COG5: variants seen among roughly 807,000 people sequenced by gnomAD.
The protein encoded by COG5 is conserved oligomeric Golgi complex subunit 5.
A neutral mutation model predicts 110.4 loss-of-function variants in COG5; 86 were observed. The ratio of observed to expected loss-of-function variants is 0.78; its 90% CI spans 0.65 to 0.93. The LOEUF is 0.93. Among genes scored for constraint, COG5 ranks in the 40% least tolerant of loss-of-function variants. COG5 has a pLI of 0.00. For missense variants in COG5, 1,077 were observed against 987.0 expected, an observed-to-expected ratio of 1.09 and a Z score of -1.22; for synonymous variants, 360 against 334.6, an observed-to-expected ratio of 1.08 and a Z score of -0.83.
intron 12 of COG5, among the ~76,000 whole-genome samples, chr7:107,296,412 A>G (rs1385155042): frequency 6.6e-6 from 1 of 151,990 alleles, no homozygotes; most frequent in Non-Finnish European, 1.5e-5. Flanking sequence ...AAAATATGAT[A>G]TATCATTAAA....
intron 13 of COG5, 117 bp downstream of exon 13, chr7:107,283,450 TTTAA>T: frequency 4.9e-6 from 4 of 824,240 alleles, no homozygotes; most frequent in South Asian, 3.5e-5. Context: ...AAATTCTTAA[TTTAA>T]TTGTGGGCCT....
intron 6 of COG5, 126 bp downstream of exon 6, chr7:107,527,111 A>G (rs995593205): frequency 2.7e-6 from 2 of 745,794 alleles, no homozygotes; most frequent in Non-Finnish European, 4.3e-6. Context: ...TATTGTATAC[A>G]GCCAATTATT....
intron 7 of COG5, among the ~76,000 whole-genome samples, chr7:107,404,114 C>T (rs551127712): frequency 8.5e-5 from 13 of 152,128 alleles, no homozygotes; most frequent in African/African-American, 3.1e-4. Context: ...TTAAATACTA[C>T]TAATTTCACA....
At chr7:107,540,547 C>T (rs1021952988) in intron 5 of COG5, among the ~76,000 whole-genome samples, 1 of 150,488 alleles carries the variant, frequency 6.6e-6, no homozygotes, top group Non-Finnish European at 1.5e-5. Context: ...CACTATACTC[C>T]AGCCCAAGTG....
At chr7:107,480,807 G>A (rs1797296439) in intron 6 of COG5, 1 of 152,012 alleles carries the variant, frequency 6.6e-6, no homozygotes, top group South Asian at 2.1e-4. Flanking sequence ...GAAACAAATG[G>A]AAAAGTGGGC....
At chr7:107,422,448 A>AC (rs1324206439) in intron 6 of COG5, among the ~76,000 whole-genome samples, 1 of 151,600 alleles carries the variant, frequency 6.6e-6, no homozygotes, top group Non-Finnish European at 1.5e-5. Context: ...AATCGCTTGA[A>AC]CCCCGGAGGC....
At chr7:107,419,462 T>TC (rs1428574085) in intron 6 of COG5, among the ~76,000 whole-genome samples, 1 of 152,006 alleles carries the variant, frequency 6.6e-6, no homozygotes, top group Non-Finnish European at 1.5e-5. Flanking sequence ...TCTATTTTTT[T>TC]CTAATAGTAA....
At chr7:107,415,080 G>T (rs1432609161) in intron 6 of COG5, among the ~76,000 whole-genome samples, 3 of 152,058 alleles carry the variant, frequency 2.0e-5, no homozygotes, top group African/African-American at 4.8e-5. Flanking sequence ...ACAAAAAAAG[G>T]AAAGTACAAC....
chr7:107,523,381 C>A (rs1800469862), intron 6 of COG5, among the ~76,000 whole-genome samples: 1 of 151,600 alleles, frequency 6.6e-6, no homozygotes, highest in Non-Finnish European at 1.5e-5. Flanking sequence ...TTACTCAACT[C>A]TTTTATTAAC....
chr7:107,469,393 T>G (rs1279618833), intron 6 of COG5, among the ~76,000 whole-genome samples: 11 of 152,254 alleles, frequency 7.2e-5, no homozygotes, highest in African/African-American at 2.6e-4. Flanking sequence ...GATTGAAGTT[T>G]TATACCCGAG....
chr7:107,366,161 A>G (rs963207305), intron 8 of COG5, among the ~76,000 whole-genome samples: 5 of 152,164 alleles, frequency 3.3e-5, no homozygotes, highest in African/African-American at 1.2e-4. Context: ...TATTATAGAA[A>G]TAAGGACCAT....
intron 5 of COG5, among the ~76,000 whole-genome samples, chr7:107,541,523 A>ATATATAT (rs923191098): frequency 1.8e-5 from 1 of 57,022 alleles, no homozygotes; most frequent in Non-Finnish European, 3.3e-5. Context: ...AAAAAAAAAA[A>ATATATAT]ATATATATAT....
intron 6 of COG5, among the ~76,000 whole-genome samples, chr7:107,444,089 T>C (rs1794872097): frequency 6.6e-6 from 1 of 152,172 alleles, no homozygotes; most frequent in South Asian, 2.1e-4. Context: ...AGTAAATATG[T>C]GTAGAAAACT....
At chr7:107,507,585 C>T (rs1264133265) in intron 6 of COG5, among the ~76,000 whole-genome samples, 1 of 151,518 alleles carries the variant, frequency 6.6e-6, no homozygotes, top group Non-Finnish European at 1.5e-5. Flanking sequence ...GGATTACAGG[C>T]ATGAACGACC....
At chr7:107,267,660 T>G (rs1338171113) in intron 14 of COG5, among the ~76,000 whole-genome samples, 1 of 152,100 alleles carries the variant, frequency 6.6e-6, no homozygotes, top group Non-Finnish European at 1.5e-5. Context: ...CTACAGAATT[T>G]CAAAAAAGAA....
Position 107,419,354 on chromosome 7 carries a change from T to A in COG5, c.539-6722A>T, listed in dbSNP as rs78006086. 5.4e-3 allele frequency among the ~76,000 whole-genome samples: 817 copies of A among 151,732 alleles called. 8 individuals are homozygous for A. The highest frequency in any genetic ancestry group is 0.019 in the African/African-American group (793 of 41,202). On this transcript the variant is annotated intron_variant, in intron 6 of 21. Transcript: ENST00000297135. ...CTCACAATATATAAAACCAATAATT[T>A]AAACAAAATTAATGAATACAATGCT... is the stretch of plus-strand genomic sequence containing the variant.
intron 1 of COG5, among the ~76,000 whole-genome samples, chr7:107,560,091 C>G (rs1803657244): frequency 6.6e-6 from 1 of 152,168 alleles, no homozygotes; most frequent in Admixed American, 6.5e-5. Context: ...GCTGAAGTTG[C>G]CTCTTATTGG....
chr7:107,213,978 A>G (rs1000945415), intron 19 of COG5, among the ~76,000 whole-genome samples: 5 of 152,218 alleles, frequency 3.3e-5, no homozygotes, highest in Non-Finnish European at 7.3e-5. Context: ...CTCTTAAGGA[A>G]GTTCAGGAAA....
intron 6 of COG5, among the ~76,000 whole-genome samples, chr7:107,437,009 T>C (rs754366952): frequency 6.6e-6 from 1 of 152,212 alleles, no homozygotes; most frequent in Non-Finnish European, 1.5e-5. Flanking sequence ...AAACAGCATG[T>C]ATTGACCAAG....
Sources: gnomAD v4.1 joint callset for allele counts (sites outside exome capture counted in the v4.1 genomes callset) on GRCh38, gnomAD v4.1.1 for gene constraint, MANE v1.5 for transcripts, NCBI Gene and HGNC (gene_info 2026-07-23, HGNC 2026-07-21) for gene names.